The following NUP214 variants were observed in gnomAD, a reference collection of about 807,000 sequenced individuals.
NUP214 encodes nucleoporin 214.
Under a neutral mutation model 196.2 loss-of-function variants are expected in NUP214, and 79 were observed. The observed-to-expected ratio is 0.40, with a 90% confidence interval of 0.34 to 0.49. The LOEUF (loss-of-function observed/expected upper bound fraction) is 0.49. Ranked by LOEUF, NUP214 falls within the 20% of genes least tolerant of loss-of-function variation. The pLI is 0.58. For synonymous variants in NUP214, 1,020 were observed against 990.5 expected (o/e 1.03, Z -0.56); for missense variants, 2,468 against 2,539.0 (o/e 0.97, Z 0.60).
rs753796800 is a variant in NUP214 at position 131,198,292 on chromosome 9, G to A, written c.4798G>A (p.Ala1600Thr). ...VPGQTAVTAAAISSAGPVAVE... is the reference protein window; with the variant it reads ...VPGQTAVTAATISSAGPVAVE... ...TGGGCAGACTGCTGTCACAGCAGCT[G>A]CTATCTCAAGTGCAGGCCCTGTGGC... is the stretch of plus-strand genomic sequence containing the variant. Residue 1600 changes from alanine to threonine, a missense_variant, in exon 29 of 36, where the codon GCT becomes ACT. Ala to Thr is a moderately conservative substitution (Grantham distance 58). Coordinates refer to ENST00000359428, the MANE Select transcript of NUP214 (RefSeq NM_005085.4). The A allele has an allele frequency of 4.3e-6, 7 of 1,614,090 alleles. No homozygotes were observed. In the South Asian group the frequency reaches 5.5e-5, roughly 13 times the overall value.
intron 9 of NUP214, 25 bp from the exon 10 acceptor site, chr9:131,139,256 T>TC: frequency 6.2e-6 from 1 of 162,510 alleles, no homozygotes; most frequent in Non-Finnish European, 1.1e-5. Context: ...CTTCTTCTTC[T>TC]TTTTTTTTTT....
chr9:131,189,209 CA>C, intron 26 of NUP214, 78 bp downstream of exon 26: 1 of 1,174,524 alleles, frequency 8.5e-7, no homozygotes, highest in Non-Finnish European at 1.3e-6. Context: ...ATCACTGAGA[CA>C]GTTGCCATAG....
chr9:131,130,731 T>G, intron 4 of NUP214, 35 bp from the exon 5 acceptor site: 1 of 1,594,686 alleles, frequency 6.3e-7, no homozygotes, highest in South Asian at 1.1e-5. Context: ...TGCTCCATTT[T>G]CTTGTTTTCA....
intron 21 of NUP214, among the ~76,000 whole-genome samples, chr9:131,165,844 A>G (rs1832773880): frequency 6.6e-6 from 1 of 152,220 alleles, no homozygotes; most frequent in Admixed American, 6.5e-5. Context: ...ACATTGTGCT[A>G]AGTGTCCTCA....
intron 30 of NUP214, among the ~76,000 whole-genome samples, chr9:131,209,742 G>A (rs1834184282): frequency 6.6e-6 from 1 of 152,188 alleles, no homozygotes; most frequent in African/African-American, 2.4e-5. Flanking sequence ...TGAAAGACTT[G>A]TAAGTGCAAC....
At chr9:131,222,701 A>C in intron 31 of NUP214, 77 bp from the exon 32 acceptor site, 1 of 1,508,734 alleles carries the variant, frequency 6.6e-7, no homozygotes, top group Non-Finnish European at 8.9e-7. Context: ...CACCCAACTG[A>C]GACTTTTTCT....
At position 131,178,411 on chromosome 9, in the gene NUP214, G is replaced by A; in HGVS notation, c.3419+1G>A. The stretch of plus-strand genomic sequence containing the variant: ...CTGCAACCCCTTCTACAGCCATGGG[G>A]TATGTTCTGACTGCAGTGTGTTTCA... On this transcript the variant is annotated splice_donor_variant, in intron 24 of 35. Transcript: ENST00000359428. LOFTEE classifies it high-confidence loss of function. The A allele has an allele frequency of 1.2e-6, 2 of 1,608,132 alleles. No homozygotes were observed. The highest frequency in any genetic ancestry group is 1.7e-6 in the Non-Finnish European group (2 of 1,175,052).
At chr9:131,154,215 A>C (rs1233366067) in intron 17 of NUP214, among the ~76,000 whole-genome samples, 1 of 152,118 alleles carries the variant, frequency 6.6e-6, no homozygotes, top group African/African-American at 2.4e-5. Flanking sequence ...TCCACAAAAT[A>C]ATTTTTTTTT....
intron 21 of NUP214, among the ~76,000 whole-genome samples, chr9:131,169,678 G>A (rs937767975): frequency 6.6e-6 from 1 of 152,102 alleles, no homozygotes; most frequent in Non-Finnish European, 1.5e-5. Context: ...TTTCTGTAAG[G>A]GGCCAGCTGG....
rs149683126 is a variant in NUP214, at chr9:131,222,665, C to T, written c.5750-113C>T. On this transcript the variant is annotated intron_variant, in intron 31 of 35. Transcript: ENST00000359428. ...TCGCTCCGCTCCCTTGGCTTCTAGG[C>T]GGCTTGTCACTCCCATCTTTCCAAA... is the stretch of plus-strand genomic sequence containing the variant. The T allele has an allele frequency of 9.1e-4, 1,155 of 1,274,618 alleles. 10 individuals are homozygous for T. In the East Asian group the frequency reaches 0.022, roughly 24 times the overall value. The allele number at this position is 1,274,618 out of a possible 1,614,324, so 79.0% of individuals were successfully genotyped here.
intron 17 of NUP214, 139 bp from the exon 18 acceptor site, chr9:131,159,244 A>T (rs1489385887): frequency 1.5e-6 from 1 of 648,500 alleles, no homozygotes; most frequent in African/African-American, 1.8e-5. Context: ...TAAAAATCGT[A>T]TTAAAACCTA....
intron 24 of NUP214, among the ~76,000 whole-genome samples, chr9:131,184,307 C>A (rs1196597028): frequency 1.4e-5 from 2 of 140,644 alleles, no homozygotes; most frequent in Non-Finnish European, 3.1e-5. Context: ...TGGGACTACA[C>A]GCGTGAGACA....
At position 131,198,894 on chromosome 9, in the gene NUP214, A is replaced by G. The variant is rs1178997160; in HGVS notation, c.5400A>G (p.Gln1800=). ...ACACAGGAGGGGGGCTGTTTGGCCA[A>G]AGCAACGCTCCTGCTTTTGGGCAGA... ...SPNTGGGLFG[Q]SNAPAFGQSP... Residue 1800 remains glutamine, a synonymous_variant, in exon 29 of 36, where the codon CAA becomes CAG. Transcript: ENST00000359428. The G allele has an allele frequency of 6.2e-7, 1 of 1,613,986 alleles. No individual in the cohort carries two copies. The highest frequency in any genetic ancestry group is 2.2e-5 in the East Asian group (1 of 44,896).
chr9:131,150,572 T>G, intron 15 of NUP214, 44 bp from the exon 16 acceptor site: 1 of 1,603,482 alleles, frequency 6.2e-7, no homozygotes, highest in South Asian at 1.1e-5. Context: ...GACATTACTG[T>G]TTGTCCTTCA....
intron 14 of NUP214, among the ~76,000 whole-genome samples, chr9:131,147,850 GA>G (rs1564184892): frequency 5.3e-5 from 8 of 152,216 alleles, no homozygotes. Flanking sequence ...GTCAACAACT[GA>G]ACATACCTTG....
chr9:131,130,726 C>A (rs746891205), intron 4 of NUP214, 40 bp from the exon 5 acceptor site: 2 of 1,576,536 alleles, frequency 1.3e-6, no homozygotes, highest in South Asian at 1.1e-5. Flanking sequence ...TGGTTTGCTC[C>A]ATTTTCTTGT....
intron 33 of NUP214, chr9:131,229,730 G>T (rs752407818): frequency 5.8e-6 from 3 of 519,036 alleles, no homozygotes; most frequent in South Asian, 4.2e-5. Flanking sequence ...CAAGGCAGGA[G>T]GAGGAAGGGA....
At chr9:131,214,788 T>C (rs984341114) in intron 30 of NUP214, among the ~76,000 whole-genome samples, 4 of 152,242 alleles carry the variant, frequency 2.6e-5, no homozygotes, top group South Asian at 2.1e-4. Context: ...AAATCACTTA[T>C]CATCCATTGC....
In NUP214 at chr9:131,139,255, C is replaced by CTTTTTTTTTT. The variant is rs200377608; in HGVS notation, c.1006-12_1006-3dup. Reference sequence around the variant, plus strand: ...CTTTTTCTTTTTTCTTCTTCTTCTTCTTTTTTTTTTTTTTTTTTTTTTTAG... The same window carrying CTTTTTTTTTT: ...CTTTTTCTTTTTTCTTCTTCTTCTTCTTTTTTTTTTTTTTTTTTTTTTTTTTTTTTTTTAG... On this transcript the variant is annotated intron_variant, in intron 9 of 35. Transcript: ENST00000359428. The CTTTTTTTTTT allele has an allele frequency of 1.4e-4, 148 of 1,093,008 alleles. 1 individual carries two copies. Among genetic ancestry groups the CTTTTTTTTTT allele is most frequent in the South Asian group, 6.1e-4 (29 of 47,664 alleles). The allele number at this position is 1,093,008 out of a possible 1,614,324, so 67.7% of individuals were successfully genotyped here.
Sources: allele counts gnomAD v4.1 joint callset (sites outside exome capture counted in the v4.1 genomes callset), GRCh38; gene constraint gnomAD v4.1.1; transcripts MANE v1.5; gene names NCBI Gene and HGNC (gene_info 2026-07-23, HGNC 2026-07-21).